Variants in ANKS1B observed in about 807,000 individuals in gnomAD.
ANKS1B encodes the protein ankyrin repeat and sterile alpha motif domain containing 1B, also known as ankyrin repeat and sterile alpha motif domain-containing protein 1B.
ANKS1B carries 36 observed loss-of-function variants against 148.3 expected under a neutral mutation model. That is an observed-to-expected ratio of 0.24 (90% confidence interval 0.19 to 0.32). The LOEUF (loss-of-function observed/expected upper bound fraction) is 0.32. ANKS1B is among the 10% of genes least tolerant of loss of function. The pLI is 1.00. For missense variants in ANKS1B, 1,157 were observed against 1,542.6 expected (o/e 0.75, Z 4.19); for synonymous variants, 542 against 560.8 (o/e 0.97, Z 0.47).
Position 99,489,372 on chromosome 12 carries a change from C to T in ANKS1B, c.1438+15104G>A, listed in dbSNP as rs147139101. On this transcript the variant is annotated intron_variant, in intron 10 of 26. Transcript: ENST00000683438. ...ATTAGTTGCTGCAATAAGTATGATACGGGGAAAGTACTTTTATTCTTTTTA... is the reference window on the plus strand; with the variant it reads ...ATTAGTTGCTGCAATAAGTATGATATGGGGAAAGTACTTTTATTCTTTTTA... Among the ~76,000 whole-genome samples the T allele has an allele frequency of 2.6e-3, 388 of 151,650 alleles. 4 individuals are homozygous for T. The highest frequency in any genetic ancestry group is 8.6e-3 in the African/African-American group (357 of 41,324).
At chr12:99,167,617 C>T (rs773619553) in intron 14 of ANKS1B, among the ~76,000 whole-genome samples, 1 of 152,144 alleles carries the variant, frequency 6.6e-6, no homozygotes, top group Non-Finnish European at 1.5e-5. Context: ...GAAAATGTTA[C>T]AACCACTTTG....
chr12:99,586,430 A>G (rs991286817), intron 9 of ANKS1B, among the ~76,000 whole-genome samples: 1 of 152,164 alleles, frequency 6.6e-6, no homozygotes, highest in Non-Finnish European at 1.5e-5. Flanking sequence ...CCATTCAACA[A>G]GTCTCTAGAA....
chr12:98,805,654 G>T (rs2099045514), intron 20 of ANKS1B, among the ~76,000 whole-genome samples: 1 of 152,140 alleles, frequency 6.6e-6, no homozygotes, highest in Admixed American at 6.5e-5. Flanking sequence ...TTTACTGGAT[G>T]GCAGATTCCA....
intron 9 of ANKS1B, among the ~76,000 whole-genome samples, chr12:99,512,875 GA>G (rs765509001): frequency 2.6e-5 from 4 of 151,852 alleles, no homozygotes; most frequent in Non-Finnish European, 5.9e-5. Context: ...CACATGGGGG[GA>G]AAAACACACA....
At chr12:99,037,607 T>C (rs143137620) in intron 17 of ANKS1B, among the ~76,000 whole-genome samples, 1 of 152,322 alleles carries the variant, frequency 6.6e-6, no homozygotes, top group African/African-American at 2.4e-5. Flanking sequence ...TACATGGCCT[T>C]AATGAAAAAT....
At chr12:98,869,001 G>T (rs1051726131) in intron 17 of ANKS1B, among the ~76,000 whole-genome samples, 1 of 152,136 alleles carries the variant, frequency 6.6e-6, no homozygotes, top group African/African-American at 2.4e-5. Context: ...GGAGATGTTA[G>T]GTGTATCCAA....
intron 8 of ANKS1B, among the ~76,000 whole-genome samples, chr12:99,674,486 T>C (rs1405535821): frequency 6.6e-6 from 1 of 151,814 alleles, no homozygotes; most frequent in Non-Finnish European, 1.5e-5. Context: ...AGAATATAAG[T>C]ACTATGAAAA....
intron 8 of ANKS1B, among the ~76,000 whole-genome samples, chr12:99,767,324 C>T (rs116214321): frequency 0.013 from 1,923 of 152,046 alleles, 48 homozygotes; most frequent in African/African-American, 0.043. Context: ...GAAAAAAATA[C>T]ATAACACGTT....
chr12:99,375,800 G>C (rs956626172), intron 12 of ANKS1B, among the ~76,000 whole-genome samples: 5 of 152,122 alleles, frequency 3.3e-5, no homozygotes, highest in African/African-American at 1.2e-4. Context: ...CATAACTGTT[G>C]AGGAAATGTA....
chr12:99,026,861 A>T (rs990397120), intron 17 of ANKS1B, among the ~76,000 whole-genome samples: 3 of 152,216 alleles, frequency 2.0e-5, no homozygotes, highest in Non-Finnish European at 4.4e-5. Context: ...TCGCCATAGG[A>T]CTAGTTAAAA....
At chr12:98,779,822 T>C (rs1036665940) in intron 24 of ANKS1B, among the ~76,000 whole-genome samples, 2 of 152,208 alleles carry the variant, frequency 1.3e-5, no homozygotes. Flanking sequence ...TCCACAATTA[T>C]TATCTGTCAA....
At chr12:98,845,776 TG>T (rs2099456087) in intron 17 of ANKS1B, among the ~76,000 whole-genome samples, 1 of 151,900 alleles carries the variant, frequency 6.6e-6, no homozygotes, top group South Asian at 2.1e-4. Flanking sequence ...AGTGGTTCAA[TG>T]CTGCGTATTA....
At chr12:99,583,699 A>C (rs2097593662) in intron 9 of ANKS1B, among the ~76,000 whole-genome samples, 1 of 152,210 alleles carries the variant, frequency 6.6e-6, no homozygotes. Flanking sequence ...GCATTTTATA[A>C]AATTCCTAGG....
intron 12 of ANKS1B, among the ~76,000 whole-genome samples, chr12:99,271,661 A>AATATATATATATATATATATATATATAT (rs2077047118): frequency 1.6e-5 from 1 of 60,838 alleles, no homozygotes; most frequent in African/African-American, 1.3e-4. Context: ...CAGTCAATAA[A>AATATATATATATATATATATATATATAT]CTATATATAT....
chr12:99,777,305 C>G (rs981049619), intron 6 of ANKS1B, among the ~76,000 whole-genome samples: 1 of 152,132 alleles, frequency 6.6e-6, no homozygotes, highest in Non-Finnish European at 1.5e-5. Flanking sequence ...ACAGAGATGA[C>G]GTGTTCACAT....
At chr12:99,044,267 A>C (rs2099960893) in intron 17 of ANKS1B, among the ~76,000 whole-genome samples, 1 of 150,544 alleles carries the variant, frequency 6.6e-6, no homozygotes, top group Non-Finnish European at 1.5e-5. Flanking sequence ...AAATACTTTA[A>C]AGAACAAAAA....
intron 12 of ANKS1B, among the ~76,000 whole-genome samples, chr12:99,311,467 T>C (rs1238967241): frequency 6.6e-6 from 1 of 152,142 alleles, no homozygotes; most frequent in Non-Finnish European, 1.5e-5. Context: ...TTCAGCTTCA[T>C]AAAAACCTTC....
chr12:99,339,922 T>C (rs1252185488), intron 12 of ANKS1B, among the ~76,000 whole-genome samples: 6 of 152,132 alleles, frequency 3.9e-5, no homozygotes, highest in Admixed American at 3.9e-4. Flanking sequence ...TAGGTTTCTA[T>C]TCCATTTGAG....
At chr12:99,704,111 G>T (rs571638233) in intron 8 of ANKS1B, among the ~76,000 whole-genome samples, 2 of 152,198 alleles carry the variant, frequency 1.3e-5, no homozygotes, top group South Asian at 4.1e-4. Flanking sequence ...GAAGTTAAAT[G>T]ATACCAAAAT....
Sources: allele counts gnomAD v4.1 joint callset (sites outside exome capture counted in the v4.1 genomes callset), GRCh38; gene constraint gnomAD v4.1.1; transcripts MANE v1.5; gene names NCBI Gene and HGNC (gene_info 2026-07-23, HGNC 2026-07-21).